Variants in NELL1 observed in about 807,000 individuals in gnomAD.
NELL1 encodes the protein neural EGFL like 1.
NELL1 carries 76 observed loss-of-function variants against 107.4 expected under a neutral mutation model. The observed-to-expected ratio is 0.71, with a 90% CI of 0.59 to 0.86. NELL1 has a LOEUF of 0.86. NELL1 is among the 40% of genes least tolerant of loss of function. The probability of loss-of-function intolerance (pLI) is 0.00; values close to 1 mark genes in which losing one functional copy is unlikely to be tolerated. For synonymous variants in NELL1, 353 were observed against 341.2 expected (o/e 1.03, Z -0.38); for missense variants, 1,024 against 1,005.5 (o/e 1.02, Z -0.25).
At chr11:21,013,984 G>T (rs996970989) in intron 12 of NELL1, among the ~76,000 whole-genome samples, 1 of 151,956 alleles carries the variant, frequency 6.6e-6, no homozygotes, top group Non-Finnish European at 1.5e-5. Context: ...AATTAGGCTG[G>T]GGTTATGTGT....
At chr11:21,534,277 T>C (rs1310333735) in intron 15 of NELL1, 97 bp from the exon 16 acceptor site, 14 of 1,385,622 alleles carry the variant, frequency 1.0e-5, no homozygotes, top group Admixed American at 5.2e-5. Context: ...ACAGTTTTAA[T>C]TGATATGTTG....
intron 5 of NELL1, among the ~76,000 whole-genome samples, chr11:20,904,946 A>G (rs950245382): frequency 6.6e-6 from 1 of 150,900 alleles, no homozygotes; most frequent in Non-Finnish European, 1.5e-5. Flanking sequence ...ATCCCATTTT[A>G]GCTTCCTAAG....
At chr11:21,493,204 C>A (rs1304707686) in intron 15 of NELL1, among the ~76,000 whole-genome samples, 8 of 152,050 alleles carry the variant, frequency 5.3e-5, no homozygotes, top group African/African-American at 1.7e-4. Context: ...AAAGCAGAAC[C>A]ACCATATGAT....
At chr11:21,315,386 G>T (rs1331735033) in intron 14 of NELL1, among the ~76,000 whole-genome samples, 1 of 152,124 alleles carries the variant, frequency 6.6e-6, no homozygotes, top group Non-Finnish European at 1.5e-5. Flanking sequence ...AGGGTCGATT[G>T]GAATAGTATA....
chr11:20,988,461 ATGTG>A (rs1213853842), intron 12 of NELL1, among the ~76,000 whole-genome samples: 2 of 150,852 alleles, frequency 1.3e-5, no homozygotes, highest in African/African-American at 4.9e-5. Flanking sequence ...ATGTACATAT[ATGTG>A]TGTATATATA....
At chr11:21,212,691 T>C (rs903314178) in intron 13 of NELL1, among the ~76,000 whole-genome samples, 2 of 152,158 alleles carry the variant, frequency 1.3e-5, no homozygotes, top group Non-Finnish European at 2.9e-5. Flanking sequence ...GTGCAGCCCA[T>C]CAGGGAACTG....
chr11:20,978,916 A>G (rs1385291311), intron 12 of NELL1, among the ~76,000 whole-genome samples: 1 of 152,142 alleles, frequency 6.6e-6, no homozygotes, highest in African/African-American at 2.4e-5. Context: ...AACATTATTG[A>G]TGCTTACTGC....
intron 10 of NELL1, among the ~76,000 whole-genome samples, chr11:20,943,060 T>G (rs1035518626): frequency 3.3e-5 from 5 of 152,046 alleles, no homozygotes; most frequent in Non-Finnish European, 5.9e-5. Flanking sequence ...TTACTGTTTT[T>G]TTTTTTTTTA....
At chr11:20,676,753 C>T (rs1249510354) in intron 1 of NELL1, among the ~76,000 whole-genome samples, 5 of 152,148 alleles carry the variant, frequency 3.3e-5, no homozygotes, top group African/African-American at 4.8e-5. Flanking sequence ...TATGATGTCC[C>T]GGTGAACATT....
chr11:21,422,917 C>T (rs192504489), intron 15 of NELL1, among the ~76,000 whole-genome samples: 7 of 152,122 alleles, frequency 4.6e-5, no homozygotes, highest in African/African-American at 1.7e-4. Context: ...TTAAACAAAA[C>T]ATGATCCAGC....
intron 14 of NELL1, among the ~76,000 whole-genome samples, chr11:21,369,757 A>C (rs1851315977): frequency 6.6e-6 from 1 of 152,092 alleles, no homozygotes; most frequent in Non-Finnish European, 1.5e-5. Context: ...TAACAGTTGC[A>C]ATATCTTCAT....
At chr11:21,041,216 C>G (rs909145122) in intron 12 of NELL1, among the ~76,000 whole-genome samples, 1 of 152,170 alleles carries the variant, frequency 6.6e-6, no homozygotes, top group African/African-American at 2.4e-5. Flanking sequence ...CTGCATGACT[C>G]TCAGCAAGTC....
chr11:20,677,199 G>T (rs184221677), intron 1 of NELL1, among the ~76,000 whole-genome samples: 27 of 152,304 alleles, frequency 1.8e-4, no homozygotes, highest in African/African-American at 4.8e-4. Context: ...TTCCTGGCCA[G>T]TCCCTCTGCC....
intron 12 of NELL1, among the ~76,000 whole-genome samples, chr11:21,039,375 G>A (rs912308674): frequency 6.6e-6 from 1 of 151,962 alleles, no homozygotes; most frequent in African/African-American, 2.4e-5. Flanking sequence ...GAGTAGAGAC[G>A]GGGTTTCACC....
intron 2 of NELL1, among the ~76,000 whole-genome samples, chr11:20,685,055 T>C (rs1028123560): frequency 6.6e-6 from 1 of 151,730 alleles, no homozygotes; most frequent in African/African-American, 2.4e-5. Context: ...TGTGCTGCTA[T>C]CTTCTCTTGT....
At chr11:21,013,807 G>A (rs989245995) in intron 12 of NELL1, among the ~76,000 whole-genome samples, 12 of 151,784 alleles carry the variant, frequency 7.9e-5, no homozygotes, top group Admixed American at 3.3e-4. Context: ...TTATCTGTTC[G>A]GTATCCCATT....
At chr11:20,802,469 G>A (rs180910951) in intron 3 of NELL1, among the ~76,000 whole-genome samples, 2 of 151,588 alleles carry the variant, frequency 1.3e-5, no homozygotes, top group African/African-American at 4.8e-5. Context: ...TCTTTTTGTG[G>A]ATCCTTTAGG....
chr11:21,300,180 C>G (rs551383542), intron 14 of NELL1, among the ~76,000 whole-genome samples: 3 of 152,094 alleles, frequency 2.0e-5, no homozygotes, highest in Admixed American at 6.6e-5. Context: ...GAAGACTTCT[C>G]TAAGATAGCA....
intron 2 of NELL1, among the ~76,000 whole-genome samples, chr11:20,745,156 A>G (rs757476534): frequency 6.6e-6 from 1 of 152,186 alleles, no homozygotes; most frequent in Non-Finnish European, 1.5e-5. Context: ...ACAGGATGTT[A>G]TCTTGTTCAC....
Sources: allele counts gnomAD v4.1 joint callset (sites outside exome capture counted in the v4.1 genomes callset), GRCh38; gene constraint gnomAD v4.1.1; transcripts MANE v1.5; gene names NCBI Gene and HGNC (gene_info 2026-07-23, HGNC 2026-07-21).